The following TUSC3 variants were observed in gnomAD, a reference collection of about 807,000 sequenced individuals.
The protein encoded by TUSC3 is tumor suppressor candidate 3.
TUSC3 carries 45 observed loss-of-function variants against 44.8 expected under a neutral mutation model. The ratio of observed to expected loss-of-function variants is 1.00; its 90% CI spans 0.79 to 1.29. The LOEUF (loss-of-function observed/expected upper bound fraction) is 1.29, where lower values mean the gene tolerates loss of function less well. TUSC3 is among the 50% of genes most tolerant of loss of function. TUSC3 has a pLI of 0.00. For missense variants in TUSC3, 519 were observed against 437.9 expected, an observed-to-expected ratio of 1.19 and a Z score of -1.65; for synonymous variants, 212 against 152.9, an observed-to-expected ratio of 1.39 and a Z score of -2.85.
Position 15,554,954 on chromosome 8 carries a change from C to T in TUSC3, c.138+14386C>T, listed in dbSNP as rs948247386. On this transcript the variant is annotated intron_variant, in intron 1 of 10. Transcript: ENST00000503731. ...GCTACTGTGGAAATAGGTAAATTGA[C>T]TCAGAAAGCAATGAAGCGCTGCTAA... Among the ~76,000 whole-genome samples the T allele has an allele frequency of 7.3e-5, 11 of 151,184 alleles. 1 individual carries two copies. The highest frequency in any genetic ancestry group is 1.6e-4 in the Non-Finnish European group (11 of 67,794).
At chr8:15,806,379 G>C in the TUSC3 span, 1 of 737,324 alleles carries the variant, frequency 1.4e-6, no homozygotes, top group Non-Finnish European at 2.6e-6. Context: ...GCCCAACTCT[G>C]CCTCCTTCTT....
chr8:15,802,837 G>A, the TUSC3 span, among the ~76,000 whole-genome samples: 1 of 151,890 alleles, frequency 6.6e-6, no homozygotes, highest in Non-Finnish European at 1.5e-5. Flanking sequence ...GTGGCTAAAT[G>A]TAGCAGAAAA....
intron 1 of TUSC3, among the ~76,000 whole-genome samples, chr8:15,596,892 A>G (rs189461607): frequency 1.3e-5 from 2 of 152,280 alleles, no homozygotes; most frequent in African/African-American, 4.8e-5. Context: ...GATCTTTCTT[A>G]ATTTAACATA....
chr8:15,445,507 G>A (rs1375449338), intron 1 of TUSC3, among the ~76,000 whole-genome samples: 1 of 152,138 alleles, frequency 6.6e-6, no homozygotes, highest in Non-Finnish European at 1.5e-5. Flanking sequence ...AGATTAGGGA[G>A]TGGTGATGAC....
At chr8:15,433,128 T>G (rs2129117132) in intron 1 of TUSC3, among the ~76,000 whole-genome samples, 1 of 152,322 alleles carries the variant, frequency 6.6e-6, no homozygotes, top group South Asian at 2.1e-4. Flanking sequence ...CTTTTTGCAT[T>G]TATATTGTTT....
chr8:15,802,625 G>A, the TUSC3 span, among the ~76,000 whole-genome samples: 1 of 151,464 alleles, frequency 6.6e-6, no homozygotes, highest in East Asian at 2.0e-4. Flanking sequence ...GAGGGGCATG[G>A]CTATAATTCA....
intron 1 of TUSC3, among the ~76,000 whole-genome samples, chr8:15,570,954 G>GTCTTTTTTTTTTTTTTTTTTTTTTTT (rs1802850304): frequency 4.5e-5 from 2 of 44,494 alleles, no homozygotes; most frequent in Non-Finnish European, 1.0e-4. Flanking sequence ...TTGCCTATTA[G>GTCTTTTTTTTTTTTTTTTTTTTTTTT]TTTTTTTTTT....
At chr8:15,694,095 G>T (rs1293489123) in intron 6 of TUSC3, among the ~76,000 whole-genome samples, 1 of 151,976 alleles carries the variant, frequency 6.6e-6, no homozygotes, top group East Asian at 1.9e-4. Context: ...GAATCCTAGT[G>T]ATCTTCGTTT....
At chr8:15,687,745 G>A (rs1248161715) in intron 6 of TUSC3, among the ~76,000 whole-genome samples, 4 of 152,220 alleles carry the variant, frequency 2.6e-5, no homozygotes, top group South Asian at 2.1e-4. Flanking sequence ...CACTTCACAC[G>A]TGGCAGATAC....
chr8:15,556,170 C>T (rs1324341612), intron 1 of TUSC3, among the ~76,000 whole-genome samples: 1 of 116,618 alleles, frequency 8.6e-6, no homozygotes, highest in Non-Finnish European at 1.7e-5. Context: ...CCCCACCCCA[C>T]AACAGTCCCC....
intron 2 of TUSC3, among the ~76,000 whole-genome samples, chr8:15,640,190 C>CT (rs568215562): frequency 3.9e-4 from 60 of 152,196 alleles, no homozygotes; most frequent in Non-Finnish European, 7.6e-4. Context: ...CAGAGGGCAT[C>CT]TACATGACCA....
intron 1 of TUSC3, among the ~76,000 whole-genome samples, chr8:15,620,484 C>A (rs944850967): frequency 1.3e-5 from 2 of 152,108 alleles, no homozygotes; most frequent in African/African-American, 4.8e-5. Context: ...ACCCTGAAAT[C>A]TGTAGCACAG....
intron 2 of TUSC3, among the ~76,000 whole-genome samples, chr8:15,530,159 C>G (rs1028586684): frequency 3.3e-5 from 5 of 151,970 alleles, no homozygotes. Flanking sequence ...CTGCTTACAT[C>G]TTTGCTCTCT....
In TUSC3 at chr8:15,688,430, C is replaced by CTTTT. The variant is rs11383982; in HGVS notation, c.798+14608_798+14611dup. ...ATTCAAAAACTAACACTTCAGTATT[C>CTTTT]TTTTTTTTTTTTTTTTTAACTTTTA... On this transcript the variant is annotated intron_variant, in intron 6 of 10. Coordinates refer to ENST00000503731, the MANE Select transcript of TUSC3 (RefSeq NM_006765.4). Among the ~76,000 whole-genome samples the CTTTT allele has an allele frequency of 2.7e-3, 383 of 141,278 alleles. 5 individuals are homozygous for CTTTT. The highest frequency in any genetic ancestry group is 9.5e-3 in the African/African-American group (361 of 37,896). 92.7% of individuals were successfully genotyped at this position (141,278 alleles called of 152,430 possible).
intron 2 of TUSC3, among the ~76,000 whole-genome samples, chr8:15,628,273 A>G (rs143773734): frequency 7.2e-5 from 11 of 152,278 alleles, no homozygotes; most frequent in African/African-American, 2.6e-4. Context: ...TGTTACATAT[A>G]ATTATATGTA....
At chr8:15,840,428 C>T in the TUSC3 span, among the ~76,000 whole-genome samples, 1 of 151,882 alleles carries the variant, frequency 6.6e-6, no homozygotes, top group Non-Finnish European at 1.5e-5. Context: ...AACTCAGGAG[C>T]AGAAGCAAAG....
the TUSC3 span, among the ~76,000 whole-genome samples, chr8:15,836,017 C>G: frequency 2.0e-5 from 3 of 151,974 alleles, no homozygotes; most frequent in African/African-American, 2.4e-5. Context: ...TATAAAGTAA[C>G]TTTATTTCAG....
chr8:15,668,761 G>A (rs1390609149), intron 5 of TUSC3, among the ~76,000 whole-genome samples: 1 of 151,670 alleles, frequency 6.6e-6, no homozygotes. Context: ...CTCTTTTCAG[G>A]ATTATTGTCT....
the TUSC3 span, among the ~76,000 whole-genome samples, chr8:15,831,886 G>T: frequency 6.6e-6 from 1 of 152,144 alleles, no homozygotes. Flanking sequence ...TATTATCCAT[G>T]AGAACGTCCC....
Sources: allele counts gnomAD v4.1 joint callset (sites outside exome capture counted in the v4.1 genomes callset), GRCh38; gene constraint gnomAD v4.1.1; transcripts MANE v1.5; gene names NCBI Gene and HGNC (gene_info 2026-07-23, HGNC 2026-07-21).